Variants in ZNF281 observed in about 807,000 individuals in gnomAD.
The protein encoded by ZNF281 is zinc finger protein 281.
In ZNF281, 2 loss-of-function variants were observed where a neutral mutation model predicts 58.8. That is an observed-to-expected ratio of 0.03 (90% CI 0.01 to 0.11). The LOEUF is 0.11. Among genes scored for constraint, ZNF281 ranks in the 10% least tolerant of loss-of-function variants. The pLI is 1.00. For synonymous variants in ZNF281, 465 were observed against 407.7 expected, an observed-to-expected ratio of 1.14 and a Z score of -1.69; for missense variants, 975 against 1,090.7, an observed-to-expected ratio of 0.89 and a Z score of 1.49.
chr1:200,409,787 G>A, intron 1 of ZNF281, 64 bp from the exon 2 acceptor site: 1 of 1,502,190 alleles, frequency 6.7e-7, no homozygotes, highest in Non-Finnish European at 8.9e-7. Flanking sequence ...CCCGGGCCGG[G>A]ACCACCGCAG....
Position 200,407,737 on chromosome 1 carries a change from G to T in ZNF281, c.1969C>A (p.Pro657Thr). 2 of 1,614,154 alleles carry T rather than the reference G, an allele frequency of 1.2e-6. No individual in the cohort carries two copies. Among genetic ancestry groups the T allele is most frequent in the Non-Finnish European group, 1.7e-6 (2 of 1,180,030 alleles). The change falls in exon 2 of 2, where the codon CCT becomes ACT. Residue 657 changes from proline to threonine, a missense_variant. Pro to Thr is a conservative substitution (Grantham distance 38). This residue lies in a region of ZNF281 where 579 missense variants were observed against 608.9 expected (regional missense o/e 0.95). Coordinates refer to ENST00000367353, the MANE Select transcript of ZNF281 (RefSeq NM_001281293.2). ...EENLSPGTQT[P>T]SNDKASMLQE... ...AACATACTTGCTTTATCATTTGAAG[G>T]TGTTTGGGTGCCTGGGCTCAAATTT...
Position 200,409,547 on chromosome 1 carries a change from G to T in ZNF281, c.159C>A (p.Phe53Leu). Reference protein sequence around the residue: ...EPTFPQGMVMFNHRLPPVTSF... With the variant: ...EPTFPQGMVMLNHRLPPVTSF... ...TGGTGACCGGGGGAAGACGGTGGTTGAACATAACCATACCCTGGGGAAAGG... is the reference window on the plus strand; with the variant it reads ...TGGTGACCGGGGGAAGACGGTGGTTTAACATAACCATACCCTGGGGAAAGG... Residue 53 changes from phenylalanine (F) to leucine (L), a missense_variant, in exon 2 of 2, where the codon TTC (phenylalanine) becomes TTA (leucine). Transcript: ENST00000367353. The T allele has an allele frequency of 6.5e-7, 1 of 1,549,742 alleles. No individual in the cohort carries two copies. Among genetic ancestry groups the T allele is most frequent in the Non-Finnish European group, 8.7e-7 (1 of 1,146,710 alleles).
At position 200,408,253 on chromosome 1, in the gene ZNF281, G is replaced by C; in HGVS notation, c.1453C>G (p.Pro485Ala). Residue 485 changes from proline (P) to alanine (A), a missense_variant, in exon 2 of 2, where the codon CCA (proline) becomes GCA (alanine). This residue lies in a region of ZNF281 where 579 missense variants were observed against 608.9 expected (regional missense o/e 0.95). Coordinates refer to ENST00000367353, the MANE Select transcript of ZNF281 (RefSeq NM_001281293.2). ...TDKNYLNFVS[P>A]LPDIVGQKSL... ...TTCTGTCCTACTATGTCTGGTAATG[G>C]TGACACAAAGTTAAGGTAGTTTTTA... 6.2e-7 allele frequency: 1 copy of C among 1,611,732 alleles called. No individual in the cohort carries two copies. Among genetic ancestry groups the C allele is most frequent in the Non-Finnish European group, 8.5e-7 (1 of 1,180,014 alleles).
Position 200,410,027 on chromosome 1 carries a change from C to T in ZNF281, c.-100G>A, listed in dbSNP as rs1329191974. 1 of 464,312 alleles carries T rather than the reference C, an allele frequency of 2.2e-6. No homozygotes were observed. 28.8% of individuals were successfully genotyped at this position (464,312 alleles called of 1,614,324 possible). ...CTCTCCACAATGGAATTAAAAGCCT[C>T]CCGTGTACTGCGCAGCCGCGGCGCA... On this transcript the variant is annotated 5_prime_UTR_variant, in exon 1 of 2. Transcript: ENST00000367353.
At position 200,406,848 on chromosome 1, in the gene ZNF281, TACAA is replaced by T. The variant is rs1356777928; in HGVS notation, c.*166_*169del. Reference sequence around the variant, plus strand: ...TATTGATTTTGATTAAAAATCATAATACAAACAGAGCTAAAATCACGCTAACAAA... The same window carrying T: ...TATTGATTTTGATTAAAAATCATAATACAGAGCTAAAATCACGCTAACAAA... On this transcript the variant is annotated 3_prime_UTR_variant, in exon 2 of 2. Transcript: ENST00000367353. 3.8e-5 allele frequency: 22 copies of T among 580,208 alleles called. No homozygotes were observed. Among genetic ancestry groups the T allele is most frequent in the South Asian group, 3.3e-4 (10 of 30,554 alleles). 35.9% of individuals were successfully genotyped at this position (580,208 alleles called of 1,614,324 possible).
chr1:200,407,232 G>A lies in ZNF281; in HGVS notation c.2474C>T (p.Thr825Met), dbSNP rs1469386225. The A allele has an allele frequency of 4.3e-6, 7 of 1,614,040 alleles. No homozygotes were observed. In the Admixed American group the frequency reaches 8.3e-5, roughly 19 times the overall value. ...TTGTGCAAAGTTCTCAATCTGATAC[G>A]TTGTTCTAGGCTCTATGTCTTTCTG... ...DPQKDIEPRT[T>M]YQIENFAQAF... Residue 825 changes from threonine to methionine, a missense_variant, in exon 2 of 2, where the codon ACG becomes ATG. Transcript: ENST00000367353.
rs758070128 is a variant in ZNF281 at position 200,407,857 on chromosome 1, T to C, written c.1849A>G (p.Lys617Glu). The change falls in exon 2 of 2, where the codon AAA becomes GAA. Residue 617 changes from lysine (K) to glutamate (E), a missense_variant. By Grantham distance (56) the Lys-to-Glu change is moderately conservative. Coordinates refer to ENST00000367353, the MANE Select transcript of ZNF281 (RefSeq NM_001281293.2). ...LQSILDQYSNKSESQKEDPFN... is the reference protein window; with the variant it reads ...LQSILDQYSNESESQKEDPFN... ...GGATCCTCTTTCTGGCTTTCTGATT[T>C]GTTGGAGTATTGATCCAAAATACTT... The C allele has an allele frequency of 6.2e-7, 1 of 1,614,188 alleles. No homozygotes were observed. Among genetic ancestry groups the C allele is most frequent in the Non-Finnish European group, 8.5e-7 (1 of 1,180,036 alleles).
rs1424552311 is a variant in ZNF281, at chr1:200,409,610, G to GCCGCCGCCGCCGCCACTA, written c.78_95dup (p.Ser27_Gly32dup). On this transcript the variant is annotated inframe_insertion, in exon 2 of 2. Transcript: ENST00000367353. ...CTGCCCTCCTGCCGCTGCTGCCGCCGCCGCCGCCGCCGCCACTACCACCGC... is the reference window on the plus strand; with the variant it reads ...CTGCCCTCCTGCCGCTGCTGCCGCCGCCGCCGCCGCCGCCACTACCGCCGCCGCCGCCACTACCACCGC... The GCCGCCGCCGCCGCCACTA allele has an allele frequency of 5.8e-6, 9 of 1,548,332 alleles. No individual in the cohort carries two copies. In the Admixed American group the frequency reaches 1.2e-4, roughly 20 times the overall value.
Position 200,408,002 on chromosome 1 carries a change from C to A in ZNF281, c.1704G>T (p.Gln568His), listed in dbSNP as rs1282762272. 1 of 1,614,214 alleles carries A rather than the reference C, an allele frequency of 6.2e-7. No homozygotes were observed. The highest frequency in any genetic ancestry group is 8.5e-7 in the Non-Finnish European group (1 of 1,180,042). Residue 568 changes from glutamine (Q) to histidine (H), a missense_variant, in exon 2 of 2, where the codon CAG (glutamine) becomes CAT (histidine). By Grantham distance (24) the Gln-to-His change is conservative. Around this residue, in one of 3 missense-constraint regions of ZNF281, gnomAD observed 579 missense variants for 608.9 expected, o/e 0.95. Transcript: ENST00000367353. ...GHMVSQQSVIQSAGVSVLDNE... is the reference protein window; with the variant it reads ...GHMVSQQSVIHSAGVSVLDNE... ...TGTCCAAAACACTGACACCTGCAGA[C>A]TGAATGACAGACTGTTGGGAGACCA...
In ZNF281 at chr1:200,408,411, A is replaced by G. The variant is rs1484512332; in HGVS notation, c.1295T>C (p.Ile432Thr). The G allele has an allele frequency of 3.1e-6, 5 of 1,614,016 alleles. No homozygotes were observed. The highest frequency in any genetic ancestry group is 2.2e-5 in the East Asian group (1 of 44,878). Reference protein sequence around the residue: ...KTNESQISNNINMQSYSVEMP... With the variant: ...KTNESQISNNTNMQSYSVEMP... Reference sequence around the variant, plus strand: ...TTCTACTGAGTAACTCTGCATGTTTATATTATTTGAAATTTGCGATTCATT... The same window carrying G: ...TTCTACTGAGTAACTCTGCATGTTTGTATTATTTGAAATTTGCGATTCATT... Residue 432 changes from isoleucine (I) to threonine (T), a missense_variant, in exon 2 of 2, where the codon ATA becomes ACA. Ile to Thr is a moderately conservative substitution (Grantham distance 89). This residue lies in a region of ZNF281 where 579 missense variants were observed against 608.9 expected (regional missense o/e 0.95). Coordinates refer to ENST00000367353, the MANE Select transcript of ZNF281 (RefSeq NM_001281293.2).
Position 200,409,246 on chromosome 1 carries a change from C to T in ZNF281, c.460G>A (p.Ala154Thr). ...HHHHHYGGLF[A>T]GAEERSPGLG... Reference sequence around the variant, plus strand: ...CCTGGAGACCTCTCTTCAGCTCCAGCGAACAGCCCCCCATAGTGGTGGTGG... The same window carrying T: ...CCTGGAGACCTCTCTTCAGCTCCAGTGAACAGCCCCCCATAGTGGTGGTGG... Residue 154 changes from alanine to threonine, a missense_variant, in exon 2 of 2, where the codon GCT becomes ACT. Transcript: ENST00000367353. 6.2e-7 allele frequency: 1 copy of T among 1,613,966 alleles called. No homozygotes were observed. Among genetic ancestry groups the T allele is most frequent in the East Asian group, 2.2e-5 (1 of 44,872 alleles).
In ZNF281 at chr1:200,407,625, C is replaced by G; in HGVS notation, c.2081G>C (p.Ser694Thr). 1 of 1,614,200 alleles carries G rather than the reference C, an allele frequency of 6.2e-7. No individual in the cohort carries two copies. The highest frequency in any genetic ancestry group is 8.5e-7 in the Non-Finnish European group (1 of 1,180,030). The change falls in exon 2 of 2, where the codon AGT (serine) becomes ACT (threonine). Residue 694 changes from serine to threonine, a missense_variant. By Grantham distance (58) the Ser-to-Thr change is moderately conservative. Coordinates refer to ENST00000367353, the MANE Select transcript of ZNF281 (RefSeq NM_001281293.2). Reference sequence around the variant, plus strand: ...GTGGTTGTGGAGAGGTGAAGACAAACTGACAAATTGGAAACCGTGTCCAAG... The same window carrying G: ...GTGGTTGTGGAGAGGTGAAGACAAAGTGACAAATTGGAAACCGTGTCCAAG... ...FTLGHGFQFV[S>T]LSSPLHNHTL...
Position 200,408,417 on chromosome 1 carries a change from T to C in ZNF281, c.1289A>G (p.Asn430Ser), listed in dbSNP as rs140383737. The stretch of plus-strand genomic sequence containing the variant: ...TGAGTAACTCTGCATGTTTATATTA[T>C]TTGAAATTTGCGATTCATTTGTTTT... Reference protein sequence around the residue: ...TGKTNESQISNNINMQSYSVE... With the variant: ...TGKTNESQISSNINMQSYSVE... Residue 430 changes from asparagine to serine, a missense_variant, in exon 2 of 2, where the codon AAT becomes AGT. Physicochemically the swap from Asn to Ser is conservative, Grantham distance 46 (BLOSUM62 1). This residue lies in a region of ZNF281 where 579 missense variants were observed against 608.9 expected (regional missense o/e 0.95). Coordinates refer to ENST00000367353, the MANE Select transcript of ZNF281 (RefSeq NM_001281293.2). 6.8e-5 allele frequency: 109 copies of C among 1,614,046 alleles called. No homozygotes were observed. The highest frequency in any genetic ancestry group is 8.9e-5 in the Non-Finnish European group (105 of 1,180,024).
chr1:200,407,520 G>C lies in ZNF281; in HGVS notation c.2186C>G (p.Pro729Arg). The C allele has an allele frequency of 6.2e-7, 1 of 1,614,196 alleles. No individual in the cohort carries two copies. The highest frequency in any genetic ancestry group is 8.5e-7 in the Non-Finnish European group (1 of 1,180,034). The change falls in exon 2 of 2, where the codon CCA becomes CGA. Residue 729 changes from proline (P) to arginine (R), a missense_variant. Pro to Arg is a moderately radical substitution (Grantham distance 103). This residue lies in a region of ZNF281 where 579 missense variants were observed against 608.9 expected (regional missense o/e 0.95). Coordinates refer to ENST00000367353, the MANE Select transcript of ZNF281 (RefSeq NM_001281293.2). ...AAAAGGAGGCTTTGGCAATGAAGAT[G>C]GCAACACTGAGGTAACAGATTGGCC... is the stretch of plus-strand genomic sequence containing the variant. The part of the protein sequence containing the change: ...GFGQSVTSVL[P>R]SSLPKPPFGM...
In ZNF281 at chr1:200,407,442, G is replaced by A; in HGVS notation, c.2264C>T (p.Thr755Ile). 2 of 1,614,200 alleles carry A rather than the reference G, an allele frequency of 1.2e-6. No homozygotes were observed. Among genetic ancestry groups the A allele is most frequent in the Non-Finnish European group, 1.7e-6 (2 of 1,180,034 alleles). Residue 755 changes from threonine to isoleucine, a missense_variant, in exon 2 of 2, where the codon ACA (threonine) becomes ATA (isoleucine). By Grantham distance (89) the Thr-to-Ile change is moderately conservative. Transcript: ENST00000367353. ...CTGGGAAGGTGTCAACTGCTGATGT[G>A]TAGCATCCAAAGCAGACAAATAAAG... The part of the protein sequence containing the change: ...PGLYLSALDA[T>I]HQQLTPSQEL...
Position 200,409,055 on chromosome 1 carries a change from A to G in ZNF281, c.651T>C (p.Asn217=), listed in dbSNP as rs771169240. The change falls in exon 2 of 2, where the codon AAT becomes AAC. Residue 217 remains asparagine, a synonymous_variant. Coordinates refer to ENST00000367353, the MANE Select transcript of ZNF281 (RefSeq NM_001281293.2). ...GCTTTGGCCTTTTTGCCTTTTTGAC[A>G]TTAGTGTCCTGCTTTGGCTCCTCAG... ...HGTEEPKQDT[N]VKKAKRPKPE... The G allele has an allele frequency of 3.1e-6, 5 of 1,613,856 alleles. No homozygotes were observed. Among genetic ancestry groups the G allele is most frequent in the Non-Finnish European group, 4.2e-6 (5 of 1,180,016 alleles).
chr1:200,405,533 A>G lies in ZNF281; in HGVS notation c.*1485T>C, dbSNP rs544609391. Reference sequence around the variant, plus strand: ...ACATAAAAAACTCATCAGCATAAACATCAAAGTACATTAAAAAATATAATC... The same window carrying G: ...ACATAAAAAACTCATCAGCATAAACGTCAAAGTACATTAAAAAATATAATC... On this transcript the variant is annotated 3_prime_UTR_variant, in exon 2 of 2. Coordinates refer to ENST00000367353, the MANE Select transcript of ZNF281 (RefSeq NM_001281293.2). 5.9e-5 allele frequency: 9 copies of G among 152,208 alleles called. No individual in the cohort carries two copies. The highest frequency in any genetic ancestry group is 1.2e-4 in the Non-Finnish European group (8 of 68,034). The allele number at this position is 152,208 out of a possible 1,614,324, so 9.4% of individuals were successfully genotyped here.
At position 200,405,432 on chromosome 1, in the gene ZNF281, A is replaced by C. The variant is rs1448233893; in HGVS notation, c.*1586T>G. 2 of 152,224 alleles carry C rather than the reference A, an allele frequency of 1.3e-5. No homozygotes were observed. The highest frequency in any genetic ancestry group is 2.9e-5 in the Non-Finnish European group (2 of 68,032). The allele number at this position is 152,224 out of a possible 1,614,324, so 9.4% of individuals were successfully genotyped here. ...TGGAAGCCTGCGGTAGGCTGATTAC[A>C]CAATAAGACTGCAAACAACCAGTGG... On this transcript the variant is annotated 3_prime_UTR_variant, in exon 2 of 2. Coordinates refer to ENST00000367353, the MANE Select transcript of ZNF281 (RefSeq NM_001281293.2).
Position 200,409,410 on chromosome 1 carries a change from G to A in ZNF281, c.296C>T (p.Thr99Ile). ...EPPPPPAPDM[T>I]FKKEPAASAA... ...TGACGCCGCCGGCTCCTTCTTGAAAGTCATGTCCGGGGCTGGCGGAGGGGG... is the reference window on the plus strand; with the variant it reads ...TGACGCCGCCGGCTCCTTCTTGAAAATCATGTCCGGGGCTGGCGGAGGGGG... The change falls in exon 2 of 2, where the codon ACT becomes ATT. Residue 99 changes from threonine (T) to isoleucine (I), a missense_variant. Thr to Ile is a moderately conservative substitution (Grantham distance 89). Around this residue, in one of 3 missense-constraint regions of ZNF281, gnomAD observed 370 missense variants for 360.9 expected, o/e 1.03. Transcript: ENST00000367353. The A allele has an allele frequency of 6.6e-7, 1 of 1,521,706 alleles. No individual in the cohort carries two copies. The highest frequency in any genetic ancestry group is 8.8e-7 in the Non-Finnish European group (1 of 1,133,022). 94.3% of individuals were successfully genotyped at this position (1,521,706 alleles called of 1,614,324 possible).
Sources: gnomAD v4.1 joint callset for allele counts on GRCh38, gnomAD v4.1.1 for gene constraint, gnomAD v4.1.1 regional missense constraint, MANE v1.5 for transcripts, NCBI Gene and HGNC (gene_info 2026-07-23, HGNC 2026-07-21) for gene names.